Variants in GRIN2D observed in about 807,000 individuals in gnomAD.
GRIN2D encodes glutamate ionotropic receptor NMDA type subunit 2D.
GRIN2D carries 37 observed loss-of-function variants against 103.2 expected under a neutral mutation model. The ratio of observed to expected loss-of-function variants is 0.36; its 90% CI spans 0.28 to 0.47. The LOEUF (loss-of-function observed/expected upper bound fraction) is 0.47. Among genes scored for constraint, GRIN2D ranks in the 20% least tolerant of loss-of-function variants. GRIN2D has a pLI of 1.00. For missense variants in GRIN2D, 1,557 were observed against 1,910.6 expected (o/e 0.81, Z 3.45); for synonymous variants, 845 against 885.6 (o/e 0.95, Z 0.81).
At chr19:48,413,963 C>G (rs1244394643) in intron 4 of GRIN2D, 28 bp from the exon 5 acceptor site, 1 of 1,288,384 alleles carries the variant, frequency 7.8e-7, no homozygotes, top group East Asian at 2.3e-5. Context: ...CAGGCCCCAG[C>G]ATGTCCCCTT....
chr19:48,413,700 T>C (rs796989856), intron 4 of GRIN2D, among the ~76,000 whole-genome samples: 4 of 117,170 alleles, frequency 3.4e-5, no homozygotes, highest in Middle Eastern at 4.9e-3. Flanking sequence ...CTGGGAAAAA[T>C]AGTGAAACCC....
chr19:48,443,996 GC>G lies in GRIN2D; in HGVS notation c.*62del. On this transcript the variant is annotated 3_prime_UTR_variant, in exon 14 of 14. Transcript: ENST00000263269. This position sits in a 1 kb window ranked among gnomAD's most constrained non-coding sequence, Gnocchi z 8.9. ...AGCGCAGGCCACGGCCCGAGGGGGC[GC>G]CCGCAGTGGACAGGACCCGCGTGGG... The G allele has an allele frequency of 8.8e-7, 1 of 1,138,590 alleles. No homozygotes were observed. The highest frequency in any genetic ancestry group is 2.0e-5 in the South Asian group (1 of 50,138). The allele number at this position is 1,138,590 out of a possible 1,614,324, so 70.5% of individuals were successfully genotyped here. A position where few individuals can be genotyped will look rare whatever the true frequency, so the allele number is the denominator to read the frequency against.
chr19:48,421,913 C>T lies in GRIN2D; in HGVS notation c.2220C>T (p.Arg740=), dbSNP rs1971029536. ...HSYMVRYNQP[R]VEEALTQLKA... is the part of the protein sequence containing the mutation. ...ACATGGTGCGCTACAACCAGCCCCG[C>T]GTAGAGGAAGCGCTCACTCAGCTCA... The change falls in exon 11 of 14, where the codon CGC becomes CGT. Residue 740 remains arginine, a synonymous_variant. Coordinates refer to ENST00000263269, the MANE Select transcript of GRIN2D (RefSeq NM_000836.4). The surrounding 1 kb of genome is among the most constrained non-coding windows in gnomAD (Gnocchi z 4.8). 3.1e-6 allele frequency: 5 copies of T among 1,614,066 alleles called. No individual in the cohort carries two copies. Among genetic ancestry groups the T allele is most frequent in the Non-Finnish European group, 3.4e-6 (4 of 1,179,990 alleles).
chr19:48,397,590 C>A (rs1970658571), intron 2 of GRIN2D, among the ~76,000 whole-genome samples: 1 of 151,918 alleles, frequency 6.6e-6, no homozygotes, highest in African/African-American at 2.4e-5. Context: ...TCTTCTCTGT[C>A]CAACTTTCTT....
rs748290244 is a variant in GRIN2D, at chr19:48,441,775, G to A, written c.2259G>A (p.Leu753=). The A allele has an allele frequency of 1.2e-6, 2 of 1,609,632 alleles. No homozygotes were observed. The highest frequency in any genetic ancestry group is 2.7e-5 in the African/African-American group (2 of 74,850). ...CCATTCCCCCTCCCCCCAGGAAGCTGGACGCCTTCATCTACGATGCTGCAG... is the reference window on the plus strand; with the variant it reads ...CCATTCCCCCTCCCCCCAGGAAGCTAGACGCCTTCATCTACGATGCTGCAG... The part of the protein sequence containing the change: ...EALTQLKAGK[L]DAFIYDAAVL... Residue 753 remains leucine, a synonymous_variant, in exon 12 of 14, where the codon CTG becomes CTA. Transcript: ENST00000263269.
intron 9 of GRIN2D, 43 bp from the exon 10 acceptor site, chr19:48,419,542 A>G: frequency 4.2e-6 from 6 of 1,432,516 alleles, no homozygotes; most frequent in Non-Finnish European, 9.7e-7. Context: ...TTCCTTATTG[A>G]GAAGGGATTT....
intron 11 of GRIN2D, among the ~76,000 whole-genome samples, chr19:48,428,346 C>T (rs371471058): frequency 6.8e-6 from 1 of 146,870 alleles, no homozygotes; most frequent in African/African-American, 2.5e-5. Context: ...CAAGCTCCCC[C>T]CTCCCCCTCC....
rs11302654 is a variant in GRIN2D, at chr19:48,419,515, CTTT to C, written c.1862-59_1862-57del. The stretch of plus-strand genomic sequence containing the variant: ...GGGCCACTGGGAATTGTAGTTCTTT[CTTT>C]TTTTTTTTTTCCCTTCCTTATTGAG... On this transcript the variant is annotated intron_variant, in intron 9 of 13. Transcript: ENST00000263269. The C allele has an allele frequency of 1.2e-3, 1,358 of 1,178,830 alleles. 4 individuals carry two copies. Among genetic ancestry groups the C allele is most frequent in the African/African-American group, 0.011 (685 of 61,416 alleles). The allele number at this position is 1,178,830 out of a possible 1,614,324, so 73.0% of individuals were successfully genotyped here. A position where few individuals can be genotyped will look rare whatever the true frequency, so the allele number is the denominator to read the frequency against.
Position 48,416,269 on chromosome 19 carries a change from G to A in GRIN2D, c.1735+114G>A, listed in dbSNP as rs1449149520. ...CCCGGTATCATCGGTACTTGAACCCGCTGTGCAACTTCGGTGAAGTGACAT... is the reference window on the plus strand; with the variant it reads ...CCCGGTATCATCGGTACTTGAACCCACTGTGCAACTTCGGTGAAGTGACAT... On this transcript the variant is annotated intron_variant, in intron 8 of 13. Coordinates refer to ENST00000263269, the MANE Select transcript of GRIN2D (RefSeq NM_000836.4). 8.6e-6 allele frequency: 7 copies of A among 812,502 alleles called. 1 individual carries two copies. Among genetic ancestry groups the A allele is most frequent in the South Asian group, 3.4e-5 (2 of 58,480 alleles). 50.3% of individuals were successfully genotyped at this position (812,502 alleles called of 1,614,324 possible).
chr19:48,420,751 G>A (rs965425647), intron 10 of GRIN2D, among the ~76,000 whole-genome samples: 3 of 152,096 alleles, frequency 2.0e-5, no homozygotes, highest in South Asian at 2.1e-4. Flanking sequence ...GCTTGAACCC[G>A]GGAGGCGGAG....
chr19:48,434,834 G>C (rs752289470), intron 11 of GRIN2D, among the ~76,000 whole-genome samples: 1 of 151,974 alleles, frequency 6.6e-6, no homozygotes, highest in Non-Finnish European at 1.5e-5. Context: ...GCTGGCCTCA[G>C]CCTCCCAAAG....
rs1055825493 is a variant in GRIN2D, at chr19:48,393,775, G to T, written c.-399G>T. ...CCGCCACCCTCGCCCGCAGCCTCCC[G>T]CAGCCTCCCTCGGCCACCGGTGCCT... On this transcript the variant is annotated 5_prime_UTR_variant, in exon 1 of 14. Coordinates refer to ENST00000263269, the MANE Select transcript of GRIN2D (RefSeq NM_000836.4). This position sits in a 1 kb window ranked among gnomAD's most constrained non-coding sequence, Gnocchi z 5.6. Among the ~76,000 whole-genome samples, 1 of 152,120 alleles carries T rather than the reference G, an allele frequency of 6.6e-6. No homozygotes were observed. The highest frequency in any genetic ancestry group is 2.4e-5 in the African/African-American group (1 of 41,418).
chr19:48,421,974 G>C lies in GRIN2D; in HGVS notation c.2252+29G>C. On this transcript the variant is annotated intron_variant, in intron 11 of 13. Transcript: ENST00000263269. The surrounding 1 kb of genome is among the most constrained non-coding windows in gnomAD (Gnocchi z 4.8). The stretch of plus-strand genomic sequence containing the variant: ...AGCGCAGACTCGGGCCGGGGGTGGG[G>C]GTTGGGCCGCTGGGGACCTGAGGAT... The C allele has an allele frequency of 6.2e-7, 1 of 1,606,382 alleles. No homozygotes were observed. The highest frequency in any genetic ancestry group is 2.2e-5 in the East Asian group (1 of 44,812).
intron 11 of GRIN2D, among the ~76,000 whole-genome samples, chr19:48,422,348 C>T (rs756813790): frequency 2.2e-4 from 33 of 152,174 alleles, no homozygotes; most frequent in Non-Finnish European, 4.0e-4. Context: ...CACGGTGGCT[C>T]ATGCCTGTAA....
chr19:48,402,500 G>A (rs940655313), intron 3 of GRIN2D, among the ~76,000 whole-genome samples: 10 of 151,240 alleles, frequency 6.6e-5, no homozygotes, highest in African/African-American at 1.9e-4. Context: ...GGTGGATCAT[G>A]AGGTCAGGAG....
chr19:48,427,088 G>A (rs185308188), intron 11 of GRIN2D, among the ~76,000 whole-genome samples: 58 of 152,148 alleles, frequency 3.8e-4, no homozygotes, highest in Non-Finnish European at 7.1e-4. Flanking sequence ...GGGAGGCTGA[G>A]GCAGGCAGGT....
At chr19:48,440,552 C>T (rs1278074350) in intron 11 of GRIN2D, among the ~76,000 whole-genome samples, 1 of 152,148 alleles carries the variant, frequency 6.6e-6, no homozygotes, top group Non-Finnish European at 1.5e-5. Flanking sequence ...ATGATGGTGC[C>T]ACTGCATTCC....
At position 48,421,853 on chromosome 19, in the gene GRIN2D, G is replaced by A. The variant is rs1324638566; in HGVS notation, c.2160G>A (p.Lys720=). 17 of 1,614,000 alleles carry A rather than the reference G, an allele frequency of 1.1e-5. No homozygotes were observed. In the East Asian group the frequency reaches 3.8e-4, roughly 36 times the overall value. ...CCGTGCCCAACGGCTCCACGGAGAA[G>A]AACATCCGCAGCAACTATCCCGACA... ...FGTVPNGSTE[K]NIRSNYPDMH... is the part of the protein sequence containing the mutation. Residue 720 remains lysine (K), a synonymous_variant, in exon 11 of 14, where the codon AAG becomes AAA. Coordinates refer to ENST00000263269, the MANE Select transcript of GRIN2D (RefSeq NM_000836.4). The surrounding 1 kb of genome is among the most constrained non-coding windows in gnomAD (Gnocchi z 4.8).
intron 3 of GRIN2D, 26 bp downstream of exon 3, chr19:48,398,883 G>A: frequency 1.7e-6 from 2 of 1,157,280 alleles, no homozygotes; most frequent in Non-Finnish European, 2.1e-6. Flanking sequence ...GCGGGGCGGG[G>A]CCACAGGAGG....
Sources: gnomAD v4.1 joint callset for allele counts (sites outside exome capture counted in the v4.1 genomes callset) on GRCh38, gnomAD v4.1.1 for gene constraint, Gnocchi (gnomAD v3.1) non-coding constraint, MANE v1.5 for transcripts, NCBI Gene and HGNC (gene_info 2026-07-23, HGNC 2026-07-21) for gene names.